DIS3L2: variants seen among roughly 807,000 people sequenced by gnomAD.
DIS3L2 encodes the protein DIS3 like 3'-5' exoribonuclease 2.
Under a neutral mutation model 97.5 loss-of-function variants are expected in DIS3L2, and 34 were observed. That is an observed-to-expected ratio of 0.35 (90% CI 0.27 to 0.46). The LOEUF (loss-of-function observed/expected upper bound fraction) is 0.46, where lower values mean the gene tolerates loss of function less well. DIS3L2 is among the 20% of genes least tolerant of loss of function. The pLI is 1.00. For synonymous variants in DIS3L2, 435 were observed against 445.2 expected, an observed-to-expected ratio of 0.98 and a Z score of 0.29; for missense variants, 1,038 against 1,146.0, an observed-to-expected ratio of 0.91 and a Z score of 1.36.
intron 6 of DIS3L2, among the ~76,000 whole-genome samples, chr2:232,112,684 G>C (rs1476091598): frequency 1.3e-5 from 2 of 152,106 alleles, no homozygotes; most frequent in Non-Finnish European, 2.9e-5. Flanking sequence ...CATGGAGTTA[G>C]GGCTGGAAAC....
At chr2:232,052,613 A>T (rs1695441267) in intron 5 of DIS3L2, among the ~76,000 whole-genome samples, 1 of 152,180 alleles carries the variant, frequency 6.6e-6, no homozygotes. Flanking sequence ...CTTTGAATGC[A>T]CCATGCAGCT....
At position 232,133,806 on chromosome 2, in the gene DIS3L2, C is replaced by T. The variant is rs377630424; in HGVS notation, c.703-2666C>T. Among the ~76,000 whole-genome samples the T allele has an allele frequency of 7.4e-3, 1,116 of 151,498 alleles. 14 individuals carry two copies. Among genetic ancestry groups the T allele is most frequent in the African/African-American group, 0.026 (1,074 of 41,258 alleles). On this transcript the variant is annotated intron_variant, in intron 7 of 20. Coordinates refer to ENST00000325385, the MANE Select transcript of DIS3L2 (RefSeq NM_152383.5). ...TTCAAGACCAGCCTGACCAACATGG[C>T]GAAACCCTGTCTCTACTAAAAAAAT...
rs1695983480 is a variant in DIS3L2, at chr2:232,337,071, T to C, written c.*441T>C. The stretch of plus-strand genomic sequence containing the variant: ...CAGTTCAGGCTTCACCCCTCGCTGC[T>C]GAGCCGATGTCAACACCTGGAACTT... On this transcript the variant is annotated 3_prime_UTR_variant, in exon 21 of 21. Coordinates refer to ENST00000325385, the MANE Select transcript of DIS3L2 (RefSeq NM_152383.5). 1 of 1,035,436 alleles carries C rather than the reference T, an allele frequency of 9.7e-7. No homozygotes were observed. Among genetic ancestry groups the C allele is most frequent in the Non-Finnish European group, 1.2e-6 (1 of 862,924 alleles). 64.1% of individuals were successfully genotyped at this position (1,035,436 alleles called of 1,614,324 possible). A position where few individuals can be genotyped will look rare whatever the true frequency, so the allele number is the denominator to read the frequency against.
intron 14 of DIS3L2, chr2:232,329,463 C>T (rs145241296): frequency 4.1e-4 from 102 of 248,266 alleles, no homozygotes; most frequent in South Asian, 8.7e-4. Context: ...GATCTTTCCT[C>T]GGTGCCTTCT....
At chr2:231,993,199 G>A (rs3116154) in intron 1 of DIS3L2, among the ~76,000 whole-genome samples, 143,271 of 152,222 alleles carry the variant, frequency 0.94, 67,538 homozygotes, top group East Asian at 0.99. Flanking sequence ...TGTAACTCCC[G>A]TCCATCCAAT....
At chr2:231,979,827 C>T (rs1190899403) in intron 1 of DIS3L2, among the ~76,000 whole-genome samples, 1 of 152,072 alleles carries the variant, frequency 6.6e-6, no homozygotes, top group African/African-American at 2.4e-5. Flanking sequence ...CCACCCACCT[C>T]GGCCTCCCAA....
At chr2:232,277,861 T>G (rs1295172069) in intron 13 of DIS3L2, among the ~76,000 whole-genome samples, 1 of 152,214 alleles carries the variant, frequency 6.6e-6, no homozygotes, top group Non-Finnish European at 1.5e-5. Context: ...GTACAGCATG[T>G]GACTGTGCTG....
At chr2:232,308,263 G>C (rs535844952) in intron 14 of DIS3L2, among the ~76,000 whole-genome samples, 71 of 152,296 alleles carry the variant, frequency 4.7e-4, no homozygotes, top group African/African-American at 1.6e-3. Context: ...CCAGGCCCTA[G>C]CTTTGGGGTG....
At chr2:232,200,658 T>C (rs1461192735) in intron 9 of DIS3L2, among the ~76,000 whole-genome samples, 1 of 151,912 alleles carries the variant, frequency 6.6e-6, no homozygotes, top group African/African-American at 2.4e-5. Context: ...CTTCTTTTAA[T>C]AGAAGATAGC....
intron 1 of DIS3L2, among the ~76,000 whole-genome samples, chr2:231,970,155 C>T (rs1037294906): frequency 1.3e-5 from 2 of 151,848 alleles, no homozygotes; most frequent in Non-Finnish European, 2.9e-5. Context: ...GTTATGTGGT[C>T]GAGGCTGGCC....
chr2:232,052,865 G>A (rs1424491709), intron 5 of DIS3L2, among the ~76,000 whole-genome samples: 1 of 152,042 alleles, frequency 6.6e-6, no homozygotes, highest in East Asian at 1.9e-4. Context: ...CATTCCAGTG[G>A]CATTTGATGT....
rs59785632 is a variant in DIS3L2, at chr2:232,220,112, AAAATAAATAAATAAATAAAT to A, written c.1204+9738_1204+9757del. Among the ~76,000 whole-genome samples the A allele has an allele frequency of 5.3e-3, 744 of 139,160 alleles. 16 individuals are homozygous for A. Among genetic ancestry groups the A allele is most frequent in the Middle Eastern group, 0.025 (7 of 280 alleles). The allele number at this position is 139,160 out of a possible 152,430, so 91.3% of individuals were successfully genotyped here. The stretch of plus-strand genomic sequence containing the variant: ...CGTAGCAAAACCCAGTCTCTACAGA[AAAATAAATAAATAAATAAAT>A]AAATAAATAAATAAATAAATAAATA... On this transcript the variant is annotated intron_variant, in intron 10 of 20. Transcript: ENST00000325385.
chr2:232,071,175 T>A (rs921744098), intron 5 of DIS3L2, among the ~76,000 whole-genome samples: 2 of 152,184 alleles, frequency 1.3e-5, no homozygotes, highest in African/African-American at 4.8e-5. Flanking sequence ...TTCTGTACTG[T>A]ATCACAAAGA....
At chr2:232,095,095 T>A (rs1696967534) in intron 6 of DIS3L2, among the ~76,000 whole-genome samples, 1 of 152,194 alleles carries the variant, frequency 6.6e-6, no homozygotes, top group African/African-American at 2.4e-5. Flanking sequence ...CATCTTGTTT[T>A]TTCATCCATT....
chr2:232,102,503 G>T (rs1204628839), intron 6 of DIS3L2, among the ~76,000 whole-genome samples: 1 of 152,134 alleles, frequency 6.6e-6, no homozygotes, highest in Non-Finnish European at 1.5e-5. Flanking sequence ...TAACATGGTT[G>T]GGGTGAAGTA....
chr2:232,241,399 A>G (rs983494226), intron 11 of DIS3L2, among the ~76,000 whole-genome samples: 4 of 152,236 alleles, frequency 2.6e-5, no homozygotes, highest in Non-Finnish European at 5.9e-5. Flanking sequence ...TCAGATCTGT[A>G]AGTGACTGAT....
At chr2:232,343,411 G>A in exon 14 of DIS3L2, 1 of 1,556,732 alleles carries the variant, frequency 6.4e-7, no homozygotes. Flanking sequence ...TGAAGATGCA[G>A]AAGCACAGCC....
intron 10 of DIS3L2, among the ~76,000 whole-genome samples, chr2:232,222,051 T>C (rs1346770823): frequency 6.6e-6 from 1 of 151,832 alleles, no homozygotes; most frequent in Non-Finnish European, 1.5e-5. Flanking sequence ...CAAGCAATTC[T>C]CCTGCCTCAG....
rs554368957 is a variant in DIS3L2, at chr2:232,117,513, C to G, written c.602-13106C>G. Among the ~76,000 whole-genome samples the G allele has an allele frequency of 5.3e-5, 8 of 152,236 alleles. No individual in the cohort carries two copies. In the East Asian group the frequency reaches 1.5e-3, roughly 29 times the overall value. On this transcript the variant is annotated intron_variant, in intron 6 of 20. Transcript: ENST00000325385. The stretch of plus-strand genomic sequence containing the variant: ...GAATTTTCCAAACCATTTTTTGAAG[C>G]CTGTTACCTCTTGAACTAGCAAGTG...
Sources: allele counts gnomAD v4.1 joint callset (sites outside exome capture counted in the v4.1 genomes callset), GRCh38; gene constraint gnomAD v4.1.1; transcripts MANE v1.5; gene names NCBI Gene and HGNC (gene_info 2026-07-23, HGNC 2026-07-21).